CLEC12A: variants seen among roughly 807,000 people sequenced by gnomAD.
CLEC12A encodes C-type lectin domain family 12 member A.
A neutral mutation model predicts 26.5 loss-of-function variants in CLEC12A; 22 were observed. The ratio of observed to expected loss-of-function variants is 0.83; its 90% CI spans 0.59 to 1.19. The LOEUF (loss-of-function observed/expected upper bound fraction) is 1.19. CLEC12A is among the 50% of genes most tolerant of loss of function. The pLI is 0.00. For missense variants in CLEC12A, 353 were observed against 315.6 expected (o/e 1.12, Z -0.90); for synonymous variants, 119 against 101.9 (o/e 1.17, Z -1.01).
chr12:9,955,385 C>G (rs190238259), intron 1 of CLEC12A, among the ~76,000 whole-genome samples: 6 of 152,236 alleles, frequency 3.9e-5, no homozygotes, highest in Admixed American at 2.0e-4. Flanking sequence ...TCATGCCCAG[C>G]CAACTTTATG....
chr12:9,984,283 C>G (rs1864684019), intron 5 of CLEC12A: 1 of 151,622 alleles, frequency 6.6e-6, no homozygotes, highest in African/African-American at 2.4e-5. Flanking sequence ...ATTTTTTTAC[C>G]CAAGTATTGA....
At chr12:9,952,865 A>C (rs1162910559) in intron 1 of CLEC12A, 7 of 88,796 alleles carry the variant, frequency 7.9e-5, no homozygotes, top group Non-Finnish European at 1.4e-4. Context: ...TGCCCGGCCG[A>C]GACCCCGTCT....
At chr12:9,962,939 G>T (rs189857818) in intron 1 of CLEC12A, among the ~76,000 whole-genome samples, 2 of 152,140 alleles carry the variant, frequency 1.3e-5, no homozygotes, top group African/African-American at 4.8e-5. Context: ...GAGAGATAAC[G>T]GGCGATATTT....
chr12:9,966,857 C>T (rs71441776), upstream of CLEC12A, among the ~76,000 whole-genome samples: 2,821 of 64,350 alleles, frequency 0.044, 189 homozygotes, highest in East Asian at 0.076. Flanking sequence ...TGTAAAGCGT[C>T]TCAGGGTTGC....
Position 9,985,182 on chromosome 12 carries a change from A to G in CLEC12A, c.*156A>G, listed in dbSNP as rs1239589102. 1 of 773,992 alleles carries G rather than the reference A, an allele frequency of 1.3e-6. No individual in the cohort carries two copies. The highest frequency in any genetic ancestry group is 1.8e-6 in the Non-Finnish European group (1 of 549,950). 47.9% of individuals were successfully genotyped at this position (773,992 alleles called of 1,614,324 possible). ...ATCCAGGTAGCAAGCTTCAGAGAGA[A>G]TAGACTGTGAATGTTAATGCCAGAG... On this transcript the variant is annotated 3_prime_UTR_variant, in exon 6 of 6. Transcript: ENST00000304361.
At chr12:9,966,450 G>T (rs560465185), upstream of CLEC12A, among the ~76,000 whole-genome samples, 5 of 152,276 alleles carry the variant, frequency 3.3e-5, no homozygotes, top group South Asian at 1.0e-3. Flanking sequence ...GTGGGGTCTT[G>T]CACAGATGGG....
chr12:9,993,797 TAA>T (rs760117268), intron 4 of CLEC12A, among the ~76,000 whole-genome samples: 1 of 152,174 alleles, frequency 6.6e-6, no homozygotes, highest in East Asian at 1.9e-4. Context: ...AATTGTCTGT[TAA>T]GTTATATTTC....
At chr12:9,963,506 G>T (rs1469949106) in intron 1 of CLEC12A, among the ~76,000 whole-genome samples, 1 of 149,692 alleles carries the variant, frequency 6.7e-6, no homozygotes, top group Non-Finnish European at 1.5e-5. Flanking sequence ...AGGTTGAAAT[G>T]CCTCCTATTC....
the CLEC12A span, among the ~76,000 whole-genome samples, chr12:10,002,209 G>A: frequency 6.6e-6 from 1 of 151,976 alleles, no homozygotes; most frequent in African/African-American, 2.4e-5. Flanking sequence ...CAAATTTCCT[G>A]ATGAAATTGA....
downstream of CLEC12A, chr12:9,997,037 T>C: frequency 6.2e-7 from 1 of 1,611,560 alleles, no homozygotes; most frequent in Non-Finnish European, 8.5e-7. Flanking sequence ...GTATTTTTTC[T>C]AAATTGGGCT....
At chr12:9,988,550 A>G (rs1273781944), downstream of CLEC12A, among the ~76,000 whole-genome samples, 19 of 152,234 alleles carry the variant, frequency 1.2e-4, no homozygotes, top group Admixed American at 1.2e-3. Context: ...AAAAGTGGGC[A>G]AAGGATATGA....
downstream of CLEC12A, chr12:9,997,069 G>A (rs549992945): frequency 1.1e-4 from 169 of 1,608,818 alleles, 1 homozygote; most frequent in East Asian, 2.9e-3. Context: ...CACATTCAAT[G>A]TTTTCTGCAG....
chr12:9,983,701 A>G (rs1449211687), intron 5 of CLEC12A: 7 of 498,180 alleles, frequency 1.4e-5, no homozygotes, highest in African/African-American at 1.4e-4. Flanking sequence ...TACTCATCAC[A>G]TTGGGCCATA....
chr12:9,958,641 C>T (rs1193895997), intron 1 of CLEC12A, among the ~76,000 whole-genome samples: 1 of 152,178 alleles, frequency 6.6e-6, no homozygotes, highest in Non-Finnish European at 1.5e-5. Context: ...CGAGTTTTGC[C>T]TAGGACTTTC....
At chr12:9,985,638 C>T (rs1217720752), downstream of CLEC12A, 3 of 393,780 alleles carry the variant, frequency 7.6e-6, no homozygotes, top group Non-Finnish European at 1.3e-5. Context: ...TGTTGAGCTA[C>T]TGTAAGCTTG....
At chr12:9,981,977 G>A in intron 4 of CLEC12A, 43 bp from the exon 5 acceptor site, 1 of 975,574 alleles carries the variant, frequency 1.0e-6, no homozygotes, top group Non-Finnish European at 1.6e-6. Flanking sequence ...AAATACAAAA[G>A]TAGGAGACTG....
chr12:9,975,389 G>A (rs1864295794), intron 1 of CLEC12A, among the ~76,000 whole-genome samples: 2 of 152,134 alleles, frequency 1.3e-5, no homozygotes, highest in South Asian at 4.1e-4. Flanking sequence ...ATGGAGATGA[G>A]GAATTTGTTG....
In CLEC12A at chr12:9,979,069, G is replaced by T; in HGVS notation, c.190+5G>T. The stretch of plus-strand genomic sequence containing the variant: ...TGGGAGTCTTGGCAAGCATGTGTAT[G>T]TACTGCCCCTGTTTTTGTCAAGAGG... On this transcript the variant is annotated splice_donor_5th_base_variant and intron_variant, in intron 2 of 5. Coordinates refer to ENST00000304361, the MANE Select transcript of CLEC12A (RefSeq NM_138337.6). 6.2e-7 allele frequency: 1 copy of T among 1,604,830 alleles called. No homozygotes were observed. Among genetic ancestry groups the T allele is most frequent in the Non-Finnish European group, 8.5e-7 (1 of 1,171,796 alleles).
upstream of CLEC12A, among the ~76,000 whole-genome samples, chr12:9,969,063 CAG>C (rs1481177498): frequency 1.3e-5 from 2 of 151,986 alleles, no homozygotes; most frequent in African/African-American, 4.8e-5. Flanking sequence ...CTCATGGAAG[CAG>C]AGAGTAGAAT....
Sources: allele counts gnomAD v4.1 joint callset (sites outside exome capture counted in the v4.1 genomes callset), GRCh38; gene constraint gnomAD v4.1.1; transcripts MANE v1.5; gene names NCBI Gene and HGNC (gene_info 2026-07-23, HGNC 2026-07-21).